The following YIPF7 variants were observed in gnomAD, a reference collection of about 807,000 sequenced individuals.
YIPF7 encodes the protein protein YIPF7.
YIPF7 carries 35 observed loss-of-function variants against 27.2 expected under a neutral mutation model. That is an observed-to-expected ratio of 1.29 (90% CI 0.98 to 1.70). YIPF7 has a LOEUF of 1.70. Among genes scored for constraint, YIPF7 ranks in the 40% most tolerant of loss-of-function variants. YIPF7 has a pLI of 0.00. For synonymous variants in YIPF7, 137 were observed against 110.4 expected, an observed-to-expected ratio of 1.24 and a Z score of -1.51; for missense variants, 358 against 303.7, an observed-to-expected ratio of 1.18 and a Z score of -1.33.
chr4:44,623,692 G>A (rs952481278), intron 5 of YIPF7, among the ~76,000 whole-genome samples: 1 of 152,142 alleles, frequency 6.6e-6, no homozygotes, highest in African/African-American at 2.4e-5. Context: ...ATAATTTCTA[G>A]AGTTGTTTAA....
intron 1 of YIPF7, among the ~76,000 whole-genome samples, chr4:44,661,503 G>C (rs1714039739): frequency 1.3e-5 from 2 of 152,184 alleles, no homozygotes; most frequent in African/African-American, 4.8e-5. Flanking sequence ...CTGTTCTTTG[G>C]ATAGAAGTTG....
rs114366519 is a variant in YIPF7, at chr4:44,625,019, T to C, written c.427-237A>G. Among the ~76,000 whole-genome samples the C allele has an allele frequency of 9.7e-3, 1,482 of 152,286 alleles. 10 individuals carry two copies. The highest frequency in any genetic ancestry group is 0.015 in the Non-Finnish European group (1,017 of 68,014). ...TGGGATAAGCGTGCTACAAAAAAGA[T>C]TGAATATTTCTAGACTTATATTTTT... On this transcript the variant is annotated intron_variant, in intron 4 of 5. Transcript: ENST00000415895.
At chr4:44,637,294 C>T (rs13149052) in intron 2 of YIPF7, among the ~76,000 whole-genome samples, 78,183 of 151,908 alleles carry the variant, frequency 0.51, 21,416 homozygotes, top group Non-Finnish European at 0.62. Context: ...AATAGTCATT[C>T]TATTTTTAGT....
intron 1 of YIPF7, 149 bp from the exon 2 acceptor site, chr4:44,650,250 G>A: frequency 1.5e-6 from 1 of 665,346 alleles, no homozygotes; most frequent in South Asian, 1.7e-5. Context: ...AAGTATTGGG[G>A]GAAGGGTATA....
intron 4 of YIPF7, among the ~76,000 whole-genome samples, chr4:44,627,308 T>C (rs1298630244): frequency 6.6e-6 from 1 of 152,216 alleles, no homozygotes; most frequent in Non-Finnish European, 1.5e-5. Flanking sequence ...TTGGTTTGTC[T>C]CCTTTCGCCT....
At chr4:44,641,967 T>C (rs76925696) in intron 2 of YIPF7, among the ~76,000 whole-genome samples, 2,330 of 152,258 alleles carry the variant, frequency 0.015, 32 homozygotes, top group Middle Eastern at 0.024. Context: ...TTTTTATTGA[T>C]AAAAATCCCC....
chr4:44,638,685 G>A (rs1240701684), intron 2 of YIPF7, among the ~76,000 whole-genome samples: 1 of 152,120 alleles, frequency 6.6e-6, no homozygotes, highest in East Asian at 1.9e-4. Context: ...TTGCTGTGCA[G>A]AAGTTTTTAA....
intron 2 of YIPF7, among the ~76,000 whole-genome samples, chr4:44,644,809 C>T (rs1457769130): frequency 6.6e-6 from 1 of 152,108 alleles, no homozygotes; most frequent in Non-Finnish European, 1.5e-5. Context: ...GAAATGAAAT[C>T]CCCAGCTGGA....
At chr4:44,630,523 G>A (rs1712848208) in intron 3 of YIPF7, among the ~76,000 whole-genome samples, 1 of 152,202 alleles carries the variant, frequency 6.6e-6, no homozygotes, top group African/African-American at 2.4e-5. Flanking sequence ...GTACTGTGAA[G>A]TTGAGTCTAT....
chr4:44,623,613 T>C lies in YIPF7; in HGVS notation c.608+988A>G, dbSNP rs566130852. 9.8e-5 allele frequency among the ~76,000 whole-genome samples: 15 copies of C among 152,308 alleles called. No individual in the cohort carries two copies. The South Asian group carries it at 3.1e-3, about 32-fold the overall frequency. On this transcript the variant is annotated intron_variant, in intron 5 of 5. Coordinates refer to ENST00000415895, the MANE Select transcript of YIPF7 (RefSeq NM_182592.3). ...AGCTTCTAATGCCTCAGACCATTAA[T>C]AAAACAAACATATTTTTAAAACACC...
intron 2 of YIPF7, among the ~76,000 whole-genome samples, chr4:44,656,771 C>T (rs1713911946): frequency 6.7e-6 from 1 of 150,330 alleles, no homozygotes; most frequent in Admixed American, 6.7e-5. Flanking sequence ...TTTACAAATG[C>T]TCTCTCTTGT....
chr4:44,651,811 T>C (rs1713748157), upstream of YIPF7, among the ~76,000 whole-genome samples: 1 of 152,178 alleles, frequency 6.6e-6, no homozygotes, highest in South Asian at 2.1e-4. Flanking sequence ...AATATGGAAA[T>C]TGTGGAAAGA....
In YIPF7 at chr4:44,635,894, A is replaced by G. The variant is rs373017856; in HGVS notation, c.280+28T>C. ...ATTGCTATTATTCTTCTAGCTGTACACACATTAATAACACTTCCTTAACTT... is the reference window on the plus strand; with the variant it reads ...ATTGCTATTATTCTTCTAGCTGTACGCACATTAATAACACTTCCTTAACTT... On this transcript the variant is annotated intron_variant, in intron 3 of 5. Transcript: ENST00000415895. The G allele has an allele frequency of 2.4e-5, 38 of 1,611,126 alleles. 1 individual carries two copies. Among genetic ancestry groups the G allele is most frequent in the Middle Eastern group, 1.6e-4 (1 of 6,066 alleles).
intron 1 of YIPF7, among the ~76,000 whole-genome samples, chr4:44,650,626 A>G (rs1290573100): frequency 6.6e-6 from 1 of 152,066 alleles, no homozygotes; most frequent in Non-Finnish European, 1.5e-5. Flanking sequence ...TCCTTGTTCT[A>G]CTTGGCAATT....
At chr4:44,648,348 G>A in intron 2 of YIPF7, among the ~76,000 whole-genome samples, 1 of 152,118 alleles carries the variant, frequency 6.6e-6, no homozygotes, top group East Asian at 1.9e-4. Flanking sequence ...TTGAGCACAT[G>A]TCAGTGTTCA....
intron 2 of YIPF7, among the ~76,000 whole-genome samples, chr4:44,639,971 C>T (rs1168227109): frequency 7.2e-5 from 11 of 152,124 alleles, no homozygotes; most frequent in Non-Finnish European, 1.5e-4. Context: ...GTCCTTGGCT[C>T]TGTTTATGTG....
chr4:44,633,524 T>C (rs780036980), intron 3 of YIPF7, among the ~76,000 whole-genome samples: 3 of 151,838 alleles, frequency 2.0e-5, no homozygotes, highest in African/African-American at 4.8e-5. Flanking sequence ...ACAAAAAACA[T>C]AAAAGGATAA....
Position 44,636,066 on chromosome 4 carries a change from G to C in YIPF7, c.136C>G (p.Pro46Ala). 1 of 1,611,090 alleles carries C rather than the reference G, an allele frequency of 6.2e-7. No homozygotes were observed. Among genetic ancestry groups the C allele is most frequent in the Non-Finnish European group, 8.5e-7 (1 of 1,178,182 alleles). ...GATGGAACAAAGGAGGCAGGCTGAGGCTGCTCACCAGCTTGTTGTCTAGAA... is the reference window on the plus strand; with the variant it reads ...GATGGAACAAAGGAGGCAGGCTGAGCCTGCTCACCAGCTTGTTGTCTAGAA... ...GSRKQQAGEQPQPASFVPSEM... is the reference protein window; with the variant it reads ...GSRKQQAGEQAQPASFVPSEM... The change falls in exon 3 of 6, where the codon CCT becomes GCT. Residue 46 changes from proline to alanine, a missense_variant. Pro to Ala is a conservative substitution (Grantham distance 27). Coordinates refer to ENST00000415895, the MANE Select transcript of YIPF7 (RefSeq NM_182592.3).
upstream of YIPF7, among the ~76,000 whole-genome samples, chr4:44,653,915 T>C (rs1193756417): frequency 1.3e-4 from 20 of 152,058 alleles, no homozygotes; most frequent in Admixed American, 1.3e-3. Flanking sequence ...TCTTAGTCCA[T>C]TTAGGTACAT....
Sources: gnomAD v4.1 joint callset for allele counts (sites outside exome capture counted in the v4.1 genomes callset) on GRCh38, gnomAD v4.1.1 for gene constraint, MANE v1.5 for transcripts, NCBI Gene and HGNC (gene_info 2026-07-23, HGNC 2026-07-21) for gene names.